Variants in FGF12 observed in about 807,000 individuals in gnomAD.
FGF12 encodes the protein fibroblast growth factor 12B.
FGF12 carries 14 observed loss-of-function variants against 23.6 expected under a neutral mutation model. The observed-to-expected ratio is 0.59, with a 90% confidence interval of 0.39 to 0.93. The LOEUF is 0.93. Ranked by LOEUF, FGF12 falls within the 40% of genes least tolerant of loss-of-function variation. The pLI is 0.00. For missense variants in FGF12, 175 were observed against 217.8 expected (o/e 0.80, Z 1.24); for synonymous variants, 62 against 77.3 (o/e 0.80, Z 1.04).
chr3:192,239,487 A>G (rs1265682105), intron 4 of FGF12, among the ~76,000 whole-genome samples: 1 of 152,124 alleles, frequency 6.6e-6, no homozygotes, highest in East Asian at 1.9e-4. Flanking sequence ...TGTGTGATGG[A>G]CCAGGGGCCC....
intron 4 of FGF12, among the ~76,000 whole-genome samples, chr3:192,312,061 T>C (rs1316452433): frequency 6.6e-6 from 1 of 152,174 alleles, no homozygotes; most frequent in Non-Finnish European, 1.5e-5. Flanking sequence ...ATATTCTAGA[T>C]ACAAATTTCT....
chr3:192,694,242 A>C (rs981057578), intron 2 of FGF12, among the ~76,000 whole-genome samples: 4 of 152,156 alleles, frequency 2.6e-5, no homozygotes, highest in African/African-American at 9.7e-5. Flanking sequence ...ACAAGACATA[A>C]AAAATGTTGG....
At chr3:192,218,671 A>C (rs1264224263) in intron 4 of FGF12, among the ~76,000 whole-genome samples, 1 of 152,238 alleles carries the variant, frequency 6.6e-6, no homozygotes, top group Non-Finnish European at 1.5e-5. Flanking sequence ...TAAATTACCC[A>C]GTCTCAGGTA....
At chr3:192,426,103 G>A (rs956656625) in intron 2 of FGF12, among the ~76,000 whole-genome samples, 3 of 152,086 alleles carry the variant, frequency 2.0e-5, no homozygotes, top group South Asian at 2.1e-4. Flanking sequence ...ACTCTCCCAC[G>A]GCTATACATA....
At chr3:192,146,274 T>TATA in intron 5 of FGF12, among the ~76,000 whole-genome samples, 1 of 34,230 alleles carries the variant, frequency 2.9e-5, no homozygotes. Flanking sequence ...AAGTGTATAT[T>TATA]TTTTTTTTTT....
intron 2 of FGF12, among the ~76,000 whole-genome samples, chr3:192,724,350 C>A (rs1719142645): frequency 1.3e-5 from 2 of 152,188 alleles, no homozygotes; most frequent in South Asian, 4.1e-4. Flanking sequence ...TACATAGGGA[C>A]CTCTAAAGGA....
At chr3:192,231,290 T>A (rs1343332167) in intron 4 of FGF12, among the ~76,000 whole-genome samples, 1 of 152,166 alleles carries the variant, frequency 6.6e-6, no homozygotes, top group Non-Finnish European at 1.5e-5. Context: ...GCCCCCCTTT[T>A]TTTTTACTAA....
chr3:192,683,303 T>C (rs977890347), intron 2 of FGF12, among the ~76,000 whole-genome samples: 1 of 152,192 alleles, frequency 6.6e-6, no homozygotes, highest in African/African-American at 2.4e-5. Context: ...AGATTTGACT[T>C]GCAGCATTAC....
chr3:192,291,088 GGA>G (rs1714733118), intron 4 of FGF12, among the ~76,000 whole-genome samples: 1 of 151,892 alleles, frequency 6.6e-6, no homozygotes, highest in Non-Finnish European at 1.5e-5. Flanking sequence ...TCCAGTTCAT[GGA>G]CTGTACATGT....
chr3:192,294,722 T>C (rs6788805), intron 4 of FGF12, among the ~76,000 whole-genome samples: 4,658 of 152,274 alleles, frequency 0.031, 218 homozygotes, highest in African/African-American at 0.098. Context: ...TAGGGAAAAG[T>C]TTTGCAACTA....
intron 2 of FGF12, among the ~76,000 whole-genome samples, chr3:192,428,944 T>A (rs1219157539): frequency 6.6e-6 from 1 of 152,056 alleles, no homozygotes; most frequent in Non-Finnish European, 1.5e-5. Flanking sequence ...ATTCCTCCAG[T>A]CAGTTTATTC....
At chr3:192,335,502 C>A in intron 3 of FGF12, 38 bp from the exon 4 acceptor site, 1 of 1,224,886 alleles carries the variant, frequency 8.2e-7, no homozygotes, top group Non-Finnish European at 1.2e-6. Context: ...GGATCAGTGA[C>A]CTTTTGAATA....
intron 2 of FGF12, among the ~76,000 whole-genome samples, chr3:192,665,131 A>G (rs901622469): frequency 1.3e-5 from 2 of 152,204 alleles, no homozygotes; most frequent in Admixed American, 1.3e-4. Flanking sequence ...AAATACAGGT[A>G]GTTACAAAAT....
At chr3:192,526,294 C>T (rs1724944456) in intron 2 of FGF12, among the ~76,000 whole-genome samples, 1 of 152,136 alleles carries the variant, frequency 6.6e-6, no homozygotes, top group Admixed American at 6.6e-5. Flanking sequence ...ACAATAGTCT[C>T]TGATTTCCAA....
At chr3:192,661,761 A>C (rs1716680605) in intron 2 of FGF12, among the ~76,000 whole-genome samples, 1 of 152,234 alleles carries the variant, frequency 6.6e-6, no homozygotes, top group African/African-American at 2.4e-5. Flanking sequence ...AAATGTAATC[A>C]ATCTAGCAAA....
intron 2 of FGF12, among the ~76,000 whole-genome samples, chr3:192,687,226 T>C (rs945705500): frequency 1.1e-4 from 16 of 149,636 alleles, no homozygotes; most frequent in African/African-American, 3.5e-4. Flanking sequence ...TAAAAACATA[T>C]ACACAGGGGT....
intron 2 of FGF12, among the ~76,000 whole-genome samples, chr3:192,634,707 ATTACT>A (rs1715515783): frequency 6.6e-6 from 1 of 152,154 alleles, no homozygotes; most frequent in South Asian, 2.1e-4. Flanking sequence ...AAATGAATAA[ATTACT>A]TTATATATTT....
At chr3:192,577,419 G>A (rs369882565) in intron 2 of FGF12, among the ~76,000 whole-genome samples, 3 of 152,090 alleles carry the variant, frequency 2.0e-5, no homozygotes, top group East Asian at 1.9e-4. Context: ...CCCTTTGTAT[G>A]TACTCGGTTC....
intron 2 of FGF12, among the ~76,000 whole-genome samples, chr3:192,723,981 G>A (rs1220159056): frequency 1.8e-5 from 2 of 112,614 alleles, no homozygotes; most frequent in African/African-American, 6.8e-5. Context: ...GAGGGGAGGA[G>A]AGGAAGGGAG....
Sources: gnomAD v4.1 joint callset for allele counts (sites outside exome capture counted in the v4.1 genomes callset) on GRCh38, gnomAD v4.1.1 for gene constraint, MANE v1.5 for transcripts, NCBI Gene and HGNC (gene_info 2026-07-23, HGNC 2026-07-21) for gene names.